LDB2: variants seen among roughly 807,000 people sequenced by gnomAD.
The protein encoded by LDB2 is LIM domain-binding protein 2.
LDB2 carries 12 observed loss-of-function variants against 44.3 expected under a neutral mutation model. The observed-to-expected ratio is 0.27, with a 90% confidence interval of 0.17 to 0.44. The LOEUF (loss-of-function observed/expected upper bound fraction) is 0.44, where lower values mean the gene tolerates loss of function less well. LDB2 is among the 20% of genes least tolerant of loss of function. The pLI, the probability that LDB2 is intolerant of heterozygous loss-of-function variation, is 1.00. For synonymous variants in LDB2, 164 were observed against 174.8 expected, an observed-to-expected ratio of 0.94 and a Z score of 0.49; for missense variants, 344 against 473.5, an observed-to-expected ratio of 0.73 and a Z score of 2.54.
chr4:16,755,416 G>C, intron 2 of LDB2, among the ~76,000 whole-genome samples: 1 of 151,674 alleles, frequency 6.6e-6, no homozygotes, highest in East Asian at 1.9e-4. Flanking sequence ...TACCAGAAAT[G>C]TGTGTGTTGA....
At position 16,733,634 on chromosome 4, in the gene LDB2, G is replaced by A. The variant is rs186220915; in HGVS notation, c.235+25524C>T. Reference sequence around the variant, plus strand: ...AAGAGAAAGCCTTGGGGAAATAGCAGCCCTGGGTAAAAAGTCTTTGTGTGG... The same window carrying A: ...AAGAGAAAGCCTTGGGGAAATAGCAACCCTGGGTAAAAAGTCTTTGTGTGG... On this transcript the variant is annotated intron_variant, in intron 2 of 7. Coordinates refer to ENST00000304523, the MANE Select transcript of LDB2 (RefSeq NM_001290.5). 2.0e-5 allele frequency among the ~76,000 whole-genome samples: 3 copies of A among 152,278 alleles called. No individual in the cohort carries two copies. The East Asian group carries it at 5.8e-4, about 29-fold the overall frequency.
chr4:16,511,898 C>T (rs1721890089), intron 6 of LDB2, 83 bp downstream of exon 6: 5 of 1,451,378 alleles, frequency 3.4e-6, no homozygotes, highest in Non-Finnish European at 4.7e-6. Context: ...TTAATGATCA[C>T]TTTCTTCTTT....
At chr4:16,789,735 T>A (rs1775283808) in intron 1 of LDB2, among the ~76,000 whole-genome samples, 1 of 152,024 alleles carries the variant, frequency 6.6e-6, no homozygotes, top group Admixed American at 6.6e-5. Context: ...TTTGAGACCA[T>A]CCTGGCCAAT....
chr4:16,859,014 A>T (rs537165062), intron 1 of LDB2, among the ~76,000 whole-genome samples: 2 of 152,362 alleles, frequency 1.3e-5, no homozygotes, highest in South Asian at 4.1e-4. Flanking sequence ...AAAACAAATG[A>T]CAACAAAATG....
chr4:16,847,811 T>A (rs1580195418), intron 1 of LDB2, among the ~76,000 whole-genome samples: 2 of 152,074 alleles, frequency 1.3e-5, no homozygotes. Flanking sequence ...AGAGACGGGG[T>A]TTTACCATGT....
At chr4:16,685,260 T>C (rs1350106032) in intron 2 of LDB2, among the ~76,000 whole-genome samples, 1 of 152,234 alleles carries the variant, frequency 6.6e-6, no homozygotes, top group African/African-American at 2.4e-5. Context: ...TCTGCCAGTA[T>C]GGAGGATGCG....
intron 1 of LDB2, among the ~76,000 whole-genome samples, chr4:16,847,958 T>G (rs886170436): frequency 1.9e-4 from 29 of 152,282 alleles, no homozygotes; most frequent in African/African-American, 6.3e-4. Context: ...TCTGCTATAA[T>G]GCAAATGAAA....
At chr4:16,659,622 A>G (rs1740895366) in intron 2 of LDB2, among the ~76,000 whole-genome samples, 1 of 145,236 alleles carries the variant, frequency 6.9e-6, no homozygotes, top group South Asian at 2.2e-4. Context: ...ACACACACAC[A>G]TACATAGTTT....
chr4:16,569,956 G>T (rs1745821656), intron 5 of LDB2, among the ~76,000 whole-genome samples: 1 of 152,162 alleles, frequency 6.6e-6, no homozygotes, highest in South Asian at 2.1e-4. Context: ...GAAGAGTGCT[G>T]CAGGCATTCA....
At chr4:16,521,244 G>A (rs544729052) in intron 5 of LDB2, among the ~76,000 whole-genome samples, 1 of 152,104 alleles carries the variant, frequency 6.6e-6, no homozygotes, top group Non-Finnish European at 1.5e-5. Context: ...AGGCAGGGCC[G>A]AGCTCCCTCT....
intron 2 of LDB2, among the ~76,000 whole-genome samples, chr4:16,682,900 C>A (rs190182460): frequency 6.3e-4 from 96 of 152,366 alleles, no homozygotes; most frequent in African/African-American, 2.2e-3. Flanking sequence ...CCCAGTAATA[C>A]CTCTCAAGAA....
intron 2 of LDB2, among the ~76,000 whole-genome samples, chr4:16,673,125 T>C (rs755776821): frequency 1.2e-4 from 19 of 152,092 alleles, no homozygotes; most frequent in Non-Finnish European, 2.2e-4. Context: ...TGAAAGAGAG[T>C]AGTAATTATT....
intron 3 of LDB2, among the ~76,000 whole-genome samples, chr4:16,589,986 T>C (rs1028102726): frequency 1.2e-4 from 18 of 152,206 alleles, no homozygotes; most frequent in Non-Finnish European, 2.4e-4. Flanking sequence ...GTACGTAGGC[T>C]ACCTGGAATT....
intron 4 of LDB2, among the ~76,000 whole-genome samples, 165 bp downstream of exon 4, chr4:16,588,545 G>A (rs1053838521): frequency 1.3e-5 from 2 of 152,180 alleles, no homozygotes; most frequent in Admixed American, 1.3e-4. Context: ...AAAAGGGCCT[G>A]TGGATTAAAA....
chr4:16,820,288 T>C (rs1471860373), intron 1 of LDB2, among the ~76,000 whole-genome samples: 1 of 152,226 alleles, frequency 6.6e-6, no homozygotes, highest in Non-Finnish European at 1.5e-5. Context: ...TTATTATTCA[T>C]TTATTCAAAA....
chr4:16,792,995 G>C (rs1776067131), intron 1 of LDB2, among the ~76,000 whole-genome samples: 1 of 152,172 alleles, frequency 6.6e-6, no homozygotes, highest in Admixed American at 6.5e-5. Context: ...AAAAGGAGCA[G>C]GGCCCCAAAG....
chr4:16,561,198 G>C (rs907550364), intron 5 of LDB2, among the ~76,000 whole-genome samples: 89 of 152,208 alleles, frequency 5.8e-4, no homozygotes, highest in Non-Finnish European at 1.1e-3. Flanking sequence ...ATTCAACATA[G>C]TGTTGGAAGT....
intron 3 of LDB2, among the ~76,000 whole-genome samples, chr4:16,592,457 T>TATACATAC (rs34880240): frequency 5.6e-5 from 5 of 89,748 alleles, no homozygotes; most frequent in African/African-American, 2.1e-4. Flanking sequence ...TCATATGCAT[T>TATACATAC]ATACATACAT....
intron 1 of LDB2, among the ~76,000 whole-genome samples, chr4:16,850,815 T>C (rs1580219737): frequency 6.6e-6 from 1 of 152,190 alleles, no homozygotes; most frequent in East Asian, 1.9e-4. Flanking sequence ...TTGATGAATC[T>C]ATAGTACCTG....
Sources: gnomAD v4.1 joint callset for allele counts (sites outside exome capture counted in the v4.1 genomes callset) on GRCh38, gnomAD v4.1.1 for gene constraint, MANE v1.5 for transcripts, NCBI Gene and HGNC (gene_info 2026-07-23, HGNC 2026-07-21) for gene names.